SYNPR: variants seen among roughly 807,000 people sequenced by gnomAD.
SYNPR encodes synaptoporin.
SYNPR carries 23 observed loss-of-function variants against 32.9 expected under a neutral mutation model. That is an observed-to-expected ratio of 0.70 (90% CI 0.50 to 0.99). The LOEUF is 0.99. Ranked by LOEUF, SYNPR falls within the 50% of genes least tolerant of loss-of-function variation. The pLI is 0.00. For missense variants in SYNPR, 318 were observed against 349.3 expected, an observed-to-expected ratio of 0.91 and a Z score of 0.71; for synonymous variants, 146 against 135.9, an observed-to-expected ratio of 1.07 and a Z score of -0.52.
intron 2 of SYNPR, among the ~76,000 whole-genome samples, chr3:63,389,183 C>T (rs1005597311): frequency 1.3e-5 from 2 of 152,162 alleles, no homozygotes; most frequent in African/African-American, 4.8e-5. Context: ...ACATCCTGCA[C>T]ATGTACCCCA....
chr3:63,342,187 C>T (rs906285309), intron 2 of SYNPR, among the ~76,000 whole-genome samples: 1 of 152,172 alleles, frequency 6.6e-6, no homozygotes, highest in Non-Finnish European at 1.5e-5. Context: ...GAGTCTATTT[C>T]TTGGCTCTCT....
intron 2 of SYNPR, among the ~76,000 whole-genome samples, chr3:63,474,389 C>A (rs905188963): frequency 1.3e-5 from 2 of 152,168 alleles, no homozygotes; most frequent in African/African-American, 4.8e-5. Flanking sequence ...ATCAGCAGGG[C>A]ATCAACAGCC....
At chr3:63,275,600 A>G (rs1358438956), upstream of SYNPR, among the ~76,000 whole-genome samples, 1 of 152,198 alleles carries the variant, frequency 6.6e-6, no homozygotes, top group Non-Finnish European at 1.5e-5. Flanking sequence ...AATAATCTGC[A>G]AGTAGGCAAT....
chr3:63,588,284 T>A, intron 4 of SYNPR, among the ~76,000 whole-genome samples: 1 of 152,056 alleles, frequency 6.6e-6, no homozygotes, highest in Non-Finnish European at 1.5e-5. Context: ...AACATTGTAG[T>A]CTAGAGTACA....
At chr3:63,463,141 T>C (rs762920157) in intron 2 of SYNPR, among the ~76,000 whole-genome samples, 22 of 152,204 alleles carry the variant, frequency 1.4e-4, no homozygotes, top group Non-Finnish European at 2.8e-4. Context: ...AGAAGGATTC[T>C]GTCACTTTCT....
At chr3:63,464,198 C>T (rs2106661204) in intron 2 of SYNPR, among the ~76,000 whole-genome samples, 1 of 152,238 alleles carries the variant, frequency 6.6e-6, no homozygotes, top group Non-Finnish European at 1.5e-5. Context: ...AGAACTTTTT[C>T]TCTAATTTTT....
At chr3:63,271,067 CT>C (rs11423359) in intron 3 of SYNPR, among the ~76,000 whole-genome samples, 1 of 144,548 alleles carries the variant, frequency 6.9e-6, no homozygotes, top group Non-Finnish European at 1.5e-5. Flanking sequence ...TACCTTCTCT[CT>C]TTTAAGTGTT....
intron 2 of SYNPR, among the ~76,000 whole-genome samples, chr3:63,430,507 G>A (rs1046809552): frequency 2.6e-5 from 4 of 152,176 alleles, no homozygotes; most frequent in Non-Finnish European, 4.4e-5. Context: ...CAGTGTGGAA[G>A]TACGTAAGAT....
intron 2 of SYNPR, among the ~76,000 whole-genome samples, chr3:63,363,422 A>G (rs2087688168): frequency 6.6e-6 from 1 of 152,184 alleles, no homozygotes; most frequent in Non-Finnish European, 1.5e-5. Flanking sequence ...TGTCTCTGAG[A>G]GCTTCTGAGA....
chr3:63,560,860 G>A (rs1702676693), intron 4 of SYNPR, among the ~76,000 whole-genome samples: 2 of 152,170 alleles, frequency 1.3e-5, no homozygotes, highest in African/African-American at 2.4e-5. Flanking sequence ...CTCAAGACCT[G>A]GGGATTACAA....
At chr3:63,210,224 A>G in the SYNPR span, among the ~76,000 whole-genome samples, 1 of 152,200 alleles carries the variant, frequency 6.6e-6, no homozygotes, top group African/African-American at 2.4e-5. Flanking sequence ...GTTGTTAACT[A>G]CATTCCCTTA....
At chr3:63,246,403 C>G (rs2086290739) in intron 1 of SYNPR, among the ~76,000 whole-genome samples, 1 of 152,032 alleles carries the variant, frequency 6.6e-6, no homozygotes, top group Non-Finnish European at 1.5e-5. Flanking sequence ...TTAGTGAGCA[C>G]CTACTGTGTA....
chr3:63,582,969 T>G (rs569028757), intron 4 of SYNPR, among the ~76,000 whole-genome samples: 1 of 151,354 alleles, frequency 6.6e-6, no homozygotes, highest in Admixed American at 6.6e-5. Context: ...GCAACAAGGC[T>G]GTTGATTCAC....
chr3:63,395,358 A>G (rs750690437), intron 2 of SYNPR, among the ~76,000 whole-genome samples: 5 of 152,192 alleles, frequency 3.3e-5, no homozygotes, highest in Non-Finnish European at 7.3e-5. Flanking sequence ...CTGATTTTCC[A>G]GAAGGGTTCC....
chr3:63,416,554 CA>C (rs147590910), intron 2 of SYNPR, among the ~76,000 whole-genome samples: 55 of 122,598 alleles, frequency 4.5e-4, no homozygotes, highest in Non-Finnish European at 7.2e-4. Context: ...AAAAAAAAAC[CA>C]AAAAAAAACA....
intron 2 of SYNPR, among the ~76,000 whole-genome samples, chr3:63,331,697 G>T (rs1217519031): frequency 2.6e-5 from 4 of 152,114 alleles, no homozygotes; most frequent in Admixed American, 6.6e-5. Flanking sequence ...GCTATTAGCA[G>T]CCCAGTAGTA....
chr3:63,555,616 T>A (rs1702582639), intron 3 of SYNPR, among the ~76,000 whole-genome samples: 1 of 152,206 alleles, frequency 6.6e-6, no homozygotes. Flanking sequence ...GCTATCCTGA[T>A]AGAGTTTACT....
chr3:63,306,346 T>C (rs529475623), intron 2 of SYNPR, among the ~76,000 whole-genome samples: 21 of 152,052 alleles, frequency 1.4e-4, no homozygotes, highest in African/African-American at 4.8e-4. Context: ...TTCAATATGT[T>C]TGAATTTAAA....
chr3:63,518,701 G>A (rs1701845879), intron 3 of SYNPR, among the ~76,000 whole-genome samples: 1 of 152,116 alleles, frequency 6.6e-6, no homozygotes, highest in Non-Finnish European at 1.5e-5. Context: ...ACAGTTCTGA[G>A]TGCTTTACAT....
Sources: gnomAD v4.1 joint callset for allele counts (sites outside exome capture counted in the v4.1 genomes callset) on GRCh38, gnomAD v4.1.1 for gene constraint, MANE v1.5 for transcripts, NCBI Gene and HGNC (gene_info 2026-07-23, HGNC 2026-07-21) for gene names.